CCDC73: variants seen among roughly 807,000 people sequenced by gnomAD.
The protein encoded by CCDC73 is coiled-coil domain containing 73.
In CCDC73, 95 loss-of-function variants were observed where a neutral mutation model predicts 116.5. The observed-to-expected ratio is 0.82, with a 90% confidence interval of 0.69 to 0.97. The LOEUF (loss-of-function observed/expected upper bound fraction) is 0.97, where lower values mean the gene tolerates loss of function less well. Among genes scored for constraint, CCDC73 ranks in the 50% least tolerant of loss-of-function variants. The pLI, the probability that CCDC73 is intolerant of heterozygous loss-of-function variation, is 0.00. For missense variants in CCDC73, 1,066 were observed against 1,206.8 expected, an observed-to-expected ratio of 0.88 and a Z score of 1.73; for synonymous variants, 398 against 401.3, an observed-to-expected ratio of 0.99 and a Z score of 0.10.
intron 1 of CCDC73, among the ~76,000 whole-genome samples, chr11:32,788,231 C>T (rs1850644907): frequency 6.6e-6 from 1 of 152,114 alleles, no homozygotes; most frequent in African/African-American, 2.4e-5. Flanking sequence ...ACTTGAAAAC[C>T]ATGAATCAAA....
Position 32,641,138 on chromosome 11 carries a change from G to A in CCDC73, c.1050+834C>T, listed in dbSNP as rs142765808. The stretch of plus-strand genomic sequence containing the variant: ...AATCTACAGAAAATATTATCAAGCT[G>A]GTATTTAGATATCCATTACTATAAT... On this transcript the variant is annotated intron_variant, in intron 13 of 17. Transcript: ENST00000335185. 1.2e-4 allele frequency among the ~76,000 whole-genome samples: 18 copies of A among 151,984 alleles called. No homozygotes were observed. The East Asian group carries it at 3.5e-3, about 29-fold the overall frequency.
At chr11:32,687,156 CTTA>C (rs1856209021) in intron 6 of CCDC73, among the ~76,000 whole-genome samples, 1 of 152,174 alleles carries the variant, frequency 6.6e-6, no homozygotes, top group Non-Finnish European at 1.5e-5. Context: ...CCTTCCTCTT[CTTA>C]AACAGTTCAG....
chr11:32,723,638 G>A (rs951148219), intron 2 of CCDC73, among the ~76,000 whole-genome samples: 1 of 152,128 alleles, frequency 6.6e-6, no homozygotes, highest in South Asian at 2.1e-4. Flanking sequence ...TAAAACTACT[G>A]CCTGAAGCAA....
chr11:32,809,582 G>T, the CCDC73 span, among the ~76,000 whole-genome samples: 5 of 152,200 alleles, frequency 3.3e-5, 1 homozygote, highest in African/African-American at 9.6e-5. Context: ...CCAGGGAAAA[G>T]AAACATCCCC....
chr11:32,715,085 G>C (rs191683950), intron 3 of CCDC73, among the ~76,000 whole-genome samples: 1 of 152,082 alleles, frequency 6.6e-6, no homozygotes, highest in East Asian at 1.9e-4. Flanking sequence ...AGATTGCAAT[G>C]CTTTTATTTG....
chr11:32,685,345 G>A (rs1258314355), intron 6 of CCDC73, among the ~76,000 whole-genome samples: 1 of 148,850 alleles, frequency 6.7e-6, no homozygotes, highest in Admixed American at 6.7e-5. Flanking sequence ...AAAATATATA[G>A]TATATTAGAT....
At chr11:32,791,861 GA>G (rs2133408089) in intron 1 of CCDC73, among the ~76,000 whole-genome samples, 1 of 152,182 alleles carries the variant, frequency 6.6e-6, no homozygotes, top group South Asian at 2.1e-4. Flanking sequence ...AACTATTCAG[GA>G]GGCTGAGGTG....
At chr11:32,689,897 A>G (rs1213640806) in intron 6 of CCDC73, among the ~76,000 whole-genome samples, 2 of 152,138 alleles carry the variant, frequency 1.3e-5, no homozygotes, top group East Asian at 1.9e-4. Flanking sequence ...CAGGAGGCCG[A>G]GGCAGGAGAA....
chr11:32,762,423 T>C (rs1037246614), intron 1 of CCDC73, among the ~76,000 whole-genome samples: 11 of 152,280 alleles, frequency 7.2e-5, no homozygotes, highest in South Asian at 2.1e-4. Context: ...ATAGCTCTTA[T>C]GGAGTCTGAT....
chr11:32,704,382 C>T (rs1235724296), intron 3 of CCDC73, among the ~76,000 whole-genome samples: 1 of 152,230 alleles, frequency 6.6e-6, no homozygotes, highest in Non-Finnish European at 1.5e-5. Flanking sequence ...ATGTCGCAAC[C>T]AGGACAAGTA....
At chr11:32,735,386 A>G (rs1482184743) in intron 2 of CCDC73, among the ~76,000 whole-genome samples, 2 of 152,218 alleles carry the variant, frequency 1.3e-5, no homozygotes, top group Admixed American at 1.3e-4. Context: ...ACAAACAAAG[A>G]GCCGAATCAT....
intron 12 of CCDC73, among the ~76,000 whole-genome samples, chr11:32,652,577 G>GTTT (rs1855835961): frequency 6.6e-6 from 1 of 152,152 alleles, no homozygotes; most frequent in Admixed American, 6.5e-5. Context: ...GGATGTAAGA[G>GTTT]AAAAAGCCTC....
At chr11:32,693,489 A>G (rs889770724) in intron 6 of CCDC73, among the ~76,000 whole-genome samples, 1 of 152,222 alleles carries the variant, frequency 6.6e-6, no homozygotes, top group Non-Finnish European at 1.5e-5. Flanking sequence ...CCTCTTGCAT[A>G]GAAAGTCAGC....
At chr11:32,645,691 T>C (rs1180168678) in intron 12 of CCDC73, among the ~76,000 whole-genome samples, 2 of 152,198 alleles carry the variant, frequency 1.3e-5, no homozygotes, top group Non-Finnish European at 2.9e-5. Flanking sequence ...TCAAGTATTA[T>C]GTACTACATA....
intron 9 of CCDC73, among the ~76,000 whole-genome samples, chr11:32,667,816 A>G (rs1241663621): frequency 6.6e-6 from 1 of 152,076 alleles, no homozygotes; most frequent in East Asian, 1.9e-4. Flanking sequence ...CCCCCCAACA[A>G]TGTCCCCTTT....
chr11:32,793,800 G>A (rs1329410577), intron 1 of CCDC73, among the ~76,000 whole-genome samples: 3 of 151,724 alleles, frequency 2.0e-5, no homozygotes, highest in South Asian at 2.1e-4. Flanking sequence ...TAGTAGAGAC[G>A]GGGTTTCACC....
At chr11:32,648,554 CT>C (rs1236494179) in intron 12 of CCDC73, among the ~76,000 whole-genome samples, 244 of 144,390 alleles carry the variant, frequency 1.7e-3, no homozygotes, top group Middle Eastern at 3.6e-3. Flanking sequence ...AGTTTATACT[CT>C]TTTTTTTTTT....
At chr11:32,761,058 C>T (rs192100455) in intron 1 of CCDC73, among the ~76,000 whole-genome samples, 1 of 152,118 alleles carries the variant, frequency 6.6e-6, no homozygotes, top group East Asian at 1.9e-4. Flanking sequence ...ATTTAAGATA[C>T]AGAACTCTAG....
intron 12 of CCDC73, among the ~76,000 whole-genome samples, chr11:32,645,772 G>C (rs1855773298): frequency 6.6e-6 from 1 of 152,126 alleles, no homozygotes; most frequent in South Asian, 2.1e-4. Flanking sequence ...CAACAAACGT[G>C]TGAGTAATGT....
Sources: gnomAD v4.1 joint callset for allele counts (sites outside exome capture counted in the v4.1 genomes callset) on GRCh38, gnomAD v4.1.1 for gene constraint, MANE v1.5 for transcripts, NCBI Gene and HGNC (gene_info 2026-07-23, HGNC 2026-07-21) for gene names.